The following NHS variants were observed in gnomAD, a reference collection of about 807,000 sequenced individuals.
NHS encodes the protein actin remodeling regulator NHS.
NHS carries 5 observed loss-of-function variants against 72.5 expected under a neutral mutation model. The ratio of observed to expected loss-of-function variants is 0.07; its 90% CI spans 0.04 to 0.14. NHS has a LOEUF of 0.14. Among genes scored for constraint, NHS ranks in the 10% least tolerant of loss-of-function variants. The pLI is 1.00. For synonymous variants in NHS, 464 were observed against 547.7 expected (o/e 0.85, Z 2.13); for missense variants, 1,072 against 1,355.7 (o/e 0.79, Z 3.29).
At chrX:17,584,380 G>T (rs765199038) in intron 1 of NHS, among the ~76,000 whole-genome samples, 3 of 111,647 alleles carry the variant, frequency 2.7e-5, no homozygotes, top group African/African-American at 9.8e-5. Flanking sequence ...GGGCAGAGAA[G>T]CTGGGTGTCT....
intron 1 of NHS, among the ~76,000 whole-genome samples, chrX:17,584,607 T>G (rs1456370665): frequency 8.9e-6 from 1 of 112,367 alleles, no homozygotes; most frequent in African/African-American, 3.2e-5. Flanking sequence ...GCCACTAGTG[T>G]GGAATTTGGG....
intron 1 of NHS, among the ~76,000 whole-genome samples, chrX:17,494,631 A>G (rs912969498): frequency 1.1e-4 from 12 of 111,548 alleles, no homozygotes; most frequent in Non-Finnish European, 1.9e-4. Context: ...CCTTCTCCCT[A>G]TGGGGCATCA....
At chrX:17,487,618 C>A (rs1172850240) in intron 1 of NHS, among the ~76,000 whole-genome samples, 1 of 111,238 alleles carries the variant, frequency 9.0e-6, no homozygotes, top group African/African-American at 3.3e-5. Context: ...CCTTGGCTGT[C>A]CTATGTGTCT....
chrX:17,391,047 A>AAAAC (rs753368815), intron 1 of NHS, among the ~76,000 whole-genome samples: 6 of 111,957 alleles, frequency 5.4e-5, no homozygotes, highest in East Asian at 2.8e-4. Context: ...AAGGAAAATT[A>AAAAC]AAACAAACAA....
At chrX:17,549,578 G>A (rs1250954571) in intron 1 of NHS, among the ~76,000 whole-genome samples, 3 of 111,988 alleles carry the variant, frequency 2.7e-5, no homozygotes, top group Non-Finnish European at 5.6e-5. Context: ...CACAGCAGCG[G>A]TGGGTGTGAG....
At chrX:17,582,562 AT>A (rs1414784346) in intron 1 of NHS, among the ~76,000 whole-genome samples, 1 of 111,596 alleles carries the variant, frequency 9.0e-6, no homozygotes, top group Non-Finnish European at 1.9e-5. Flanking sequence ...CTTTTCTTGG[AT>A]ATGCTAGAGC....
chrX:17,731,720 C>T, intron 8 of NHS, 138 bp from the exon 9 acceptor site: 8 of 773,474 alleles, frequency 1.0e-5, no homozygotes, highest in Non-Finnish European at 1.5e-5. Context: ...TCTCTATAGC[C>T]CTAATGCTTA....
intron 1 of NHS, among the ~76,000 whole-genome samples, chrX:17,600,562 T>A (rs949937285): frequency 8.9e-6 from 1 of 112,348 alleles, no homozygotes; most frequent in Non-Finnish European, 1.9e-5. Flanking sequence ...GACCTCTGAA[T>A]CCTTGCAGGA....
At chrX:17,461,889 C>T (rs765712670) in intron 1 of NHS, among the ~76,000 whole-genome samples, 7 of 111,676 alleles carry the variant, frequency 6.3e-5, no homozygotes, top group African/African-American at 2.0e-4. Flanking sequence ...TGACTAGCTT[C>T]GGCTCATTCA....
chrX:17,511,726 G>A (rs1280319794), intron 1 of NHS, among the ~76,000 whole-genome samples: 1 of 111,841 alleles, frequency 8.9e-6, no homozygotes, highest in African/African-American at 3.3e-5. Flanking sequence ...CTTGGTGGCA[G>A]ATGCTCATAA....
At chrX:17,429,281 A>T (rs1262269976) in intron 1 of NHS, among the ~76,000 whole-genome samples, 2 of 110,524 alleles carry the variant, frequency 1.8e-5, no homozygotes, top group Non-Finnish European at 3.8e-5. Context: ...CGCGCTATAC[A>T]GATCAAACCA....
At chrX:17,591,790 G>T (rs1295312004) in intron 1 of NHS, among the ~76,000 whole-genome samples, 3 of 111,952 alleles carry the variant, frequency 2.7e-5, no homozygotes, top group Non-Finnish European at 5.6e-5. Flanking sequence ...CTTGCTGAAA[G>T]AAATGACTCA....
intron 1 of NHS, among the ~76,000 whole-genome samples, chrX:17,377,207 G>A (rs1199897922): frequency 8.9e-6 from 1 of 112,419 alleles, no homozygotes; most frequent in Non-Finnish European, 1.9e-5. Flanking sequence ...GCAGGGAAAC[G>A]ACGAGGAAGG....
At chrX:17,564,565 G>A (rs1053569408) in intron 1 of NHS, among the ~76,000 whole-genome samples, 4 of 112,259 alleles carry the variant, frequency 3.6e-5, no homozygotes, top group African/African-American at 6.5e-5. Context: ...TGTGTGTGGT[G>A]TGCATGCTAC....
At chrX:17,625,177 C>CT (rs778629509) in intron 1 of NHS, among the ~76,000 whole-genome samples, 44 of 111,333 alleles carry the variant, frequency 4.0e-4, no homozygotes, top group African/African-American at 1.4e-3. Flanking sequence ...CTTTCTTGTA[C>CT]TTTTTTTGCA....
intron 1 of NHS, among the ~76,000 whole-genome samples, chrX:17,646,130 C>G (rs1348461879): frequency 9.0e-6 from 1 of 111,123 alleles, no homozygotes; most frequent in Non-Finnish European, 1.9e-5. Context: ...TCTGTAGGAA[C>G]AGAGTCTCAC....
intron 1 of NHS, among the ~76,000 whole-genome samples, chrX:17,558,872 A>AC (rs2065396830): frequency 9.0e-6 from 1 of 111,504 alleles, no homozygotes; most frequent in Non-Finnish European, 1.9e-5. Context: ...TTCTCATTTG[A>AC]CCCCAAGATT....
intron 1 of NHS, among the ~76,000 whole-genome samples, chrX:17,430,287 CTTTCTTTCTTT>C (rs1378785158): frequency 1.4e-5 from 1 of 71,531 alleles, no homozygotes; most frequent in African/African-American, 5.9e-5. Context: ...TTCTTTCTTT[CTTTCTTTCTTT>C]CTTTCTTTCT....
intron 1 of NHS, among the ~76,000 whole-genome samples, chrX:17,492,643 A>G (rs1368051015): frequency 8.9e-6 from 1 of 112,287 alleles, no homozygotes. Context: ...GTAGATATCT[A>G]TGAGGTCTAC....
Sources: gnomAD v4.1 joint callset for allele counts (sites outside exome capture counted in the v4.1 genomes callset) on GRCh38, gnomAD v4.1.1 for gene constraint, MANE v1.5 for transcripts, NCBI Gene and HGNC (gene_info 2026-07-23, HGNC 2026-07-21) for gene names.